Variants in VRK1 observed in about 807,000 individuals in gnomAD.
VRK1 encodes the protein serine/threonine-protein kinase VRK1.
Under a neutral mutation model 57.1 loss-of-function variants are expected in VRK1, and 33 were observed. The ratio of observed to expected loss-of-function variants is 0.58; its 90% CI spans 0.44 to 0.77. The LOEUF (loss-of-function observed/expected upper bound fraction) is 0.77, where lower values mean the gene tolerates loss of function less well. Ranked by LOEUF, VRK1 falls within the 30% of genes least tolerant of loss-of-function variation. VRK1 has a pLI of 0.00. For missense variants in VRK1, 413 were observed against 477.3 expected (o/e 0.87, Z 1.25); for synonymous variants, 137 against 147.8 (o/e 0.93, Z 0.53).
At chr14:96,803,077 C>T (rs1012067453) in intron 1 of VRK1, among the ~76,000 whole-genome samples, 2 of 151,984 alleles carry the variant, frequency 1.3e-5, no homozygotes, top group Admixed American at 6.6e-5. Context: ...TCTTGGTTAT[C>T]AGATTGACTG....
intron 11 of VRK1, among the ~76,000 whole-genome samples, chr14:96,869,414 G>C (rs767971814): frequency 3.9e-5 from 6 of 152,166 alleles, no homozygotes; most frequent in Non-Finnish European, 8.8e-5. Context: ...TTATGAAACA[G>C]GGTATTAGGC....
Position 96,833,542 on chromosome 14 carries a change from C to T in VRK1, c.71C>T (p.Ala24Val). The change falls in exon 2 of 13, where the codon GCA (alanine) becomes GTA (valine). Residue 24 changes from alanine to valine, a missense_variant. Transcript: ENST00000216639. Reference protein sequence around the residue: ...SAKRHLAEQFAVGEIITDMAK... With the variant: ...SAKRHLAEQFVVGEIITDMAK... ...AAGAGACATCTTGCAGAACAATTTG[C>T]AGTTGGAGAGATAATAACTGACATG... 1 of 1,613,746 alleles carries T rather than the reference C, an allele frequency of 6.2e-7. No homozygotes were observed. Among genetic ancestry groups the T allele is most frequent in the Non-Finnish European group, 8.5e-7 (1 of 1,179,788 alleles).
chr14:96,854,590 G>A (rs1431787513), intron 7 of VRK1, among the ~76,000 whole-genome samples: 1 of 152,070 alleles, frequency 6.6e-6, no homozygotes, highest in African/African-American at 2.4e-5. Flanking sequence ...GAATAAGTAT[G>A]TATATAATAT....
At chr14:96,812,987 TCAC>T (rs1886262330) in intron 1 of VRK1, among the ~76,000 whole-genome samples, 1 of 152,198 alleles carries the variant, frequency 6.6e-6, no homozygotes, top group Non-Finnish European at 1.5e-5. Context: ...TGTCTTAAGT[TCAC>T]AACAGGTAGA....
At chr14:96,863,981 T>A (rs946314687) in intron 11 of VRK1, among the ~76,000 whole-genome samples, 14 of 152,212 alleles carry the variant, frequency 9.2e-5, no homozygotes, top group African/African-American at 3.4e-4. Flanking sequence ...CGGGTTGCCC[T>A]GAATGTGCTC....
chr14:96,811,755 AT>A (rs1886215265), intron 1 of VRK1, among the ~76,000 whole-genome samples: 1 of 140,672 alleles, frequency 7.1e-6, no homozygotes, highest in Non-Finnish European at 1.5e-5. Context: ...TTGCTATCAC[AT>A]TTTCCCTCTC....
chr14:96,843,675 T>C (rs1307196288), intron 3 of VRK1, among the ~76,000 whole-genome samples: 2 of 152,242 alleles, frequency 1.3e-5, no homozygotes, highest in Non-Finnish European at 2.9e-5. Context: ...CCAATTTCTT[T>C]TCTAAATCTT....
intron 12 of VRK1, among the ~76,000 whole-genome samples, chr14:96,876,453 T>G (rs771160487): frequency 4.6e-5 from 7 of 152,296 alleles, no homozygotes; most frequent in Non-Finnish European, 1.0e-4. Flanking sequence ...GAGGATCACT[T>G]GAGCCCAGGA....
intron 1 of VRK1, among the ~76,000 whole-genome samples, chr14:96,823,117 C>T (rs1402046679): frequency 6.6e-6 from 1 of 152,232 alleles, no homozygotes; most frequent in Admixed American, 6.5e-5. Context: ...AAGCTTTCCC[C>T]TTCTACCTTC....
At position 96,853,058 on chromosome 14, in the gene VRK1, T is replaced by C. The variant is rs760920857; in HGVS notation, c.484-16T>C. Reference sequence around the variant, plus strand: ...TTAGGTACTGCATTAACTTATTCTGTATGATACTTTCATAGCTGGATATTC... The same window carrying C: ...TTAGGTACTGCATTAACTTATTCTGCATGATACTTTCATAGCTGGATATTC... On this transcript the variant is annotated splice_polypyrimidine_tract_variant and intron_variant, in intron 6 of 12. Coordinates refer to ENST00000216639, the MANE Select transcript of VRK1 (RefSeq NM_003384.3). The C allele has an allele frequency of 6.2e-6, 10 of 1,613,214 alleles. No homozygotes were observed. Among genetic ancestry groups the C allele is most frequent in the Admixed American group, 1.7e-5 (1 of 60,002 alleles).
intron 2 of VRK1, 55 bp downstream of exon 2, chr14:96,833,686 G>A (rs564899207): frequency 6.2e-7 from 1 of 1,610,844 alleles, no homozygotes. Context: ...GTTTTCTTAT[G>A]AAAATGGTTT....
intron 11 of VRK1, among the ~76,000 whole-genome samples, chr14:96,867,739 G>A (rs569891835): frequency 5.9e-5 from 9 of 152,086 alleles, no homozygotes; most frequent in East Asian, 5.8e-4. Context: ...TTTCCTTAAC[G>A]CTGTTTTGTA....
At chr14:96,879,036 G>C (rs993387365) in intron 12 of VRK1, among the ~76,000 whole-genome samples, 1 of 151,972 alleles carries the variant, frequency 6.6e-6, no homozygotes, top group African/African-American at 2.4e-5. Flanking sequence ...AGCATGACTA[G>C]TCAAAAAGTA....
At chr14:96,823,663 T>A (rs1886689077) in intron 1 of VRK1, among the ~76,000 whole-genome samples, 1 of 152,232 alleles carries the variant, frequency 6.6e-6, no homozygotes, top group Non-Finnish European at 1.5e-5. Context: ...ATCTTAACCA[T>A]TTTTAAGTGT....
At chr14:96,856,642 GC>G in intron 10 of VRK1, 56 bp downstream of exon 10, 1 of 1,450,080 alleles carries the variant, frequency 6.9e-7, no homozygotes. Context: ...GGATAAAAAG[GC>G]ATGATATCCA....
At chr14:96,859,321 T>A (rs1369115249) in intron 10 of VRK1, among the ~76,000 whole-genome samples, 1 of 152,222 alleles carries the variant, frequency 6.6e-6, no homozygotes, top group African/African-American at 2.4e-5. Context: ...TGTTTGTGAA[T>A]AAAGACTGGT....
intron 1 of VRK1, among the ~76,000 whole-genome samples, chr14:96,823,800 A>G (rs1025436470): frequency 1.3e-5 from 2 of 152,178 alleles, no homozygotes; most frequent in Non-Finnish European, 2.9e-5. Context: ...CCTCTGGCTT[A>G]TTTCACTTAG....
chr14:96,868,877 A>C (rs1216421217), intron 11 of VRK1, among the ~76,000 whole-genome samples: 1 of 145,386 alleles, frequency 6.9e-6, no homozygotes, highest in Non-Finnish European at 1.5e-5. Flanking sequence ...ATCTCGACTC[A>C]CCGCAGCCAC....
chr14:96,836,886 G>A (rs1459347947), intron 2 of VRK1, among the ~76,000 whole-genome samples: 1 of 152,016 alleles, frequency 6.6e-6, no homozygotes, highest in African/African-American at 2.4e-5. Flanking sequence ...ATACATACAT[G>A]GCTTATTCCC....
Sources: gnomAD v4.1 joint callset for allele counts (sites outside exome capture counted in the v4.1 genomes callset) on GRCh38, gnomAD v4.1.1 for gene constraint, MANE v1.5 for transcripts, NCBI Gene and HGNC (gene_info 2026-07-23, HGNC 2026-07-21) for gene names.